The following ASRGL1 variants were observed in gnomAD, a reference collection of about 807,000 sequenced individuals.
ASRGL1 encodes asparaginase and isoaspartyl peptidase 1, also known as isoaspartyl peptidase/L-asparaginase.
ASRGL1 carries 16 observed loss-of-function variants against 22.4 expected under a neutral mutation model. The observed-to-expected ratio is 0.71, with a 90% CI of 0.48 to 1.08. The LOEUF (loss-of-function observed/expected upper bound fraction) is 1.08, where lower values mean the gene tolerates loss of function less well. Ranked by LOEUF, ASRGL1 falls within the 50% of genes least tolerant of loss-of-function variation. ASRGL1 has a pLI of 0.00. For synonymous variants in ASRGL1, 165 were observed against 159.3 expected (o/e 1.04, Z -0.27); for missense variants, 412 against 410.1 (o/e 1.00, Z -0.04).
intron 4 of ASRGL1, among the ~76,000 whole-genome samples, chr11:62,378,760 TC>T (rs1270179275): frequency 2.0e-5 from 3 of 152,174 alleles, no homozygotes; most frequent in Non-Finnish European, 4.4e-5. Context: ...TTCTAATTGT[TC>T]CTTTGCTAAT....
intron 2 of ASRGL1, among the ~76,000 whole-genome samples, chr11:62,342,293 A>T (rs184362164): frequency 6.6e-6 from 1 of 152,374 alleles, no homozygotes; most frequent in Admixed American, 6.5e-5. Context: ...TGCTTGGACC[A>T]GTATAAGCCT....
intron 2 of ASRGL1, among the ~76,000 whole-genome samples, chr11:62,353,094 G>T (rs7103755): frequency 0.04 from 6,146 of 152,094 alleles, 430 homozygotes; most frequent in African/African-American, 0.14. Context: ...CCCACTGGTT[G>T]GCTGGGCTCT....
intron 4 of ASRGL1, 88 bp downstream of exon 4, chr11:62,357,232 T>TTGTTTTGTTC (rs1197031468): frequency 5.4e-6 from 5 of 918,930 alleles, no homozygotes; most frequent in Non-Finnish European, 6.4e-6. Context: ...TTCTTTTGTT[T>TTGTTTTGTTC]TGTTTTGTTT....
At chr11:62,396,832 AG>A (rs1947437785), downstream of ASRGL1, among the ~76,000 whole-genome samples, 3 of 151,958 alleles carry the variant, frequency 2.0e-5, no homozygotes, top group Non-Finnish European at 4.4e-5. Context: ...TGCAATTATC[AG>A]CACTTTCTGG....
At chr11:62,346,450 T>A (rs1398811669) in intron 2 of ASRGL1, among the ~76,000 whole-genome samples, 1 of 152,076 alleles carries the variant, frequency 6.6e-6, no homozygotes, top group Non-Finnish European at 1.5e-5. Flanking sequence ...TATGGAGGCT[T>A]CTGTGAGACT....
intron 4 of ASRGL1, chr11:62,382,555 T>C (rs1318479593): frequency 6.6e-6 from 1 of 151,896 alleles, no homozygotes; most frequent in Non-Finnish European, 1.5e-5. Flanking sequence ...AACCCAGACA[T>C]TCTATTGCCC....
chr11:62,370,747 A>G (rs190099543), intron 4 of ASRGL1, among the ~76,000 whole-genome samples: 1 of 152,066 alleles, frequency 6.6e-6, no homozygotes, highest in East Asian at 1.9e-4. Flanking sequence ...TTGTAATATC[A>G]CCGCACTATT....
chr11:62,395,294 C>T (rs543296909), downstream of ASRGL1, among the ~76,000 whole-genome samples: 129 of 152,274 alleles, frequency 8.5e-4, no homozygotes, highest in Non-Finnish European at 1.5e-3. Flanking sequence ...CCGGCCCCGC[C>T]CCCACTTGCT....
At chr11:62,360,978 C>CAAAAA (rs1344652619) in intron 4 of ASRGL1, among the ~76,000 whole-genome samples, 1 of 151,924 alleles carries the variant, frequency 6.6e-6, no homozygotes, top group African/African-American at 2.4e-5. Flanking sequence ...ACAGTGTGTG[C>CAAAAA]AAAAAACAAT....
At chr11:62,390,117 C>T (rs973305254) in intron 5 of ASRGL1, among the ~76,000 whole-genome samples, 3 of 152,160 alleles carry the variant, frequency 2.0e-5, no homozygotes, top group Non-Finnish European at 4.4e-5. Flanking sequence ...CTTTCTTTCT[C>T]CTTGGCAAAA....
chr11:62,351,472 A>C (rs1946164695), intron 2 of ASRGL1, among the ~76,000 whole-genome samples: 1 of 152,082 alleles, frequency 6.6e-6, no homozygotes, highest in Non-Finnish European at 1.5e-5. Context: ...CAACATGGTG[A>C]AACGCCGTCC....
intron 3 of ASRGL1, among the ~76,000 whole-genome samples, chr11:62,356,771 G>A (rs1391626378): frequency 1.3e-5 from 2 of 152,044 alleles, no homozygotes; most frequent in East Asian, 3.9e-4. Flanking sequence ...TATGTAAATC[G>A]CATCTCTAGT....
the ASRGL1 span, among the ~76,000 whole-genome samples, chr11:62,399,953 A>G: frequency 6.6e-6 from 1 of 152,208 alleles, no homozygotes; most frequent in Non-Finnish European, 1.5e-5. Flanking sequence ...AGACCCAAGA[A>G]TAAGGAAATC....
At chr11:62,394,704 A>G (rs1947409627), downstream of ASRGL1, among the ~76,000 whole-genome samples, 1 of 152,154 alleles carries the variant, frequency 6.6e-6, no homozygotes, top group African/African-American at 2.4e-5. Flanking sequence ...GTTATTAAAG[A>G]TTACCGTAGG....
chr11:62,356,944 A>T (rs763504270), intron 3 of ASRGL1, 43 bp from the exon 4 acceptor site: 1 of 1,559,090 alleles, frequency 6.4e-7, no homozygotes, highest in Non-Finnish European at 8.6e-7. Flanking sequence ...AAGATTTAAA[A>T]TTTTCAAAAA....
chr11:62,383,534 C>T (rs1258586208), intron 4 of ASRGL1, among the ~76,000 whole-genome samples: 1 of 124,546 alleles, frequency 8.0e-6, no homozygotes, highest in East Asian at 2.6e-4. Flanking sequence ...ACCCAGGAGG[C>T]GGAGCTTGCA....
chr11:62,372,231 G>A (rs555181606), intron 4 of ASRGL1: 2 of 1,347,746 alleles, frequency 1.5e-6, no homozygotes, highest in African/African-American at 2.9e-5. Context: ...ATTGTGTGCA[G>A]CGTGTGCGCG....
At chr11:62,360,814 T>C (rs957990776) in intron 4 of ASRGL1, among the ~76,000 whole-genome samples, 4 of 152,180 alleles carry the variant, frequency 2.6e-5, no homozygotes, top group Non-Finnish European at 5.9e-5. Context: ...ACACACACCC[T>C]GTTACAGGAA....
chr11:62,355,918 CAG>C (rs1166898330), intron 2 of ASRGL1, among the ~76,000 whole-genome samples: 1 of 152,168 alleles, frequency 6.6e-6, no homozygotes, highest in Admixed American at 6.5e-5. Flanking sequence ...GCACATGTTT[CAG>C]AGAGCACAGG....
Sources: allele counts gnomAD v4.1 joint callset (sites outside exome capture counted in the v4.1 genomes callset), GRCh38; gene constraint gnomAD v4.1.1; transcripts MANE v1.5; gene names NCBI Gene and HGNC (gene_info 2026-07-23, HGNC 2026-07-21).